EGFR: variants seen among roughly 807,000 people sequenced by gnomAD.
EGFR encodes epidermal growth factor receptor.
In EGFR, 58 loss-of-function variants were observed where a neutral mutation model predicts 143.0. That is an observed-to-expected ratio of 0.41 (90% confidence interval 0.33 to 0.50). EGFR has a LOEUF of 0.50. EGFR is among the 20% of genes least tolerant of loss of function. The pLI is 0.39. For synonymous variants in EGFR, 613 were observed against 594.4 expected (o/e 1.03, Z -0.45); for missense variants, 1,307 against 1,579.0 (o/e 0.83, Z 2.92).
At position 55,155,936 on chromosome 7, in the gene EGFR, T is replaced by C. The variant is rs2128937593; in HGVS notation, c.996T>C (p.Pro332=). 1 of 1,613,450 alleles carries C rather than the reference T, an allele frequency of 6.2e-7. No individual in the cohort carries two copies. The highest frequency in any genetic ancestry group is 1.3e-5 in the African/African-American group (1 of 75,032). ...GVRKCKKCEG[P]CRKVCNGIGI... ...GCAAGTGTAAGAAGTGCGAAGGGCC[T>C]TGCCGCAAAGGTAGGAAGCCCGCCG... Residue 332 remains proline (P), a synonymous_variant, in exon 8 of 28, where the codon CCT becomes CCC. Transcript: ENST00000275493.
intron 1 of EGFR, among the ~76,000 whole-genome samples, chr7:55,120,724 G>A (rs889827740): frequency 3.3e-5 from 5 of 152,174 alleles, no homozygotes; most frequent in Middle Eastern, 3.2e-3. Context: ...TGGGAACGTT[G>A]TTGACACATC....
chr7:55,160,991 T>C (rs17290040), intron 12 of EGFR, among the ~76,000 whole-genome samples: 268 of 152,356 alleles, frequency 1.8e-3, no homozygotes, highest in Non-Finnish European at 3.3e-3. Flanking sequence ...ACACAGCCAA[T>C]GGCCCAATGG....
At chr7:55,059,785 G>T (rs768163900) in intron 1 of EGFR, among the ~76,000 whole-genome samples, 1 of 152,206 alleles carries the variant, frequency 6.6e-6, no homozygotes, top group African/African-American at 2.4e-5. Context: ...ATACTTGCAT[G>T]AATGCAGGAA....
chr7:55,134,584 C>G (rs1794034529), intron 1 of EGFR, among the ~76,000 whole-genome samples: 1 of 152,230 alleles, frequency 6.6e-6, no homozygotes, highest in African/African-American at 2.4e-5. Flanking sequence ...GAATACATAA[C>G]AGATCAACGG....
At chr7:55,100,410 T>A (rs568714426) in intron 1 of EGFR, among the ~76,000 whole-genome samples, 4 of 152,218 alleles carry the variant, frequency 2.6e-5, no homozygotes, top group Non-Finnish European at 5.9e-5. Context: ...ATTAATTACA[T>A]CTCAAAAACA....
chr7:55,019,443 G>C, intron 1 of EGFR, 78 bp downstream of exon 1: 1 of 946,524 alleles, frequency 1.1e-6, no homozygotes, highest in Non-Finnish European at 1.3e-6. Flanking sequence ...ACCGCGCACC[G>C]GCGCACCGGC....
intron 19 of EGFR, 172 bp from the exon 20 acceptor site, chr7:55,181,121 C>A: frequency 1.3e-6 from 1 of 797,918 alleles, no homozygotes; most frequent in Non-Finnish European, 2.1e-6. Flanking sequence ...CACTTCACAG[C>A]CCTGCGTAAA....
Position 55,094,491 on chromosome 7 carries a change from T to C in EGFR, c.89-47795T>C, listed in dbSNP as rs180852553. Among the ~76,000 whole-genome samples the C allele has an allele frequency of 2.6e-5, 4 of 152,310 alleles. No homozygotes were observed. In the East Asian group the frequency reaches 5.8e-4, roughly 22 times the overall value. On this transcript the variant is annotated intron_variant, in intron 1 of 27. Transcript: ENST00000275493. ...AAGATGTAGGCAGTTGATCCACAGA[T>C]TTTTGGAGAGTCCTTGAGTTGGAGA...
intron 22 of EGFR, among the ~76,000 whole-genome samples, chr7:55,194,806 A>T (rs1207539081): frequency 2.0e-5 from 3 of 152,192 alleles, no homozygotes; most frequent in Non-Finnish European, 4.4e-5. Flanking sequence ...TTTCAACATC[A>T]TTGAGGCTGC....
intron 4 of EGFR, among the ~76,000 whole-genome samples, chr7:55,149,591 C>T (rs905269235): frequency 6.6e-6 from 1 of 152,066 alleles, no homozygotes; most frequent in African/African-American, 2.4e-5. Context: ...TTAATAAAAC[C>T]AAGCTTGGCA....
chr7:55,115,137 G>A (rs559520408), intron 1 of EGFR, among the ~76,000 whole-genome samples: 1 of 152,000 alleles, frequency 6.6e-6, no homozygotes, highest in African/African-American at 2.4e-5. Context: ...CCAATGCACT[G>A]GGATTACAGG....
At chr7:55,036,562 G>A (rs1424325548) in intron 1 of EGFR, among the ~76,000 whole-genome samples, 1 of 152,142 alleles carries the variant, frequency 6.6e-6, no homozygotes, top group Non-Finnish European at 1.5e-5. Context: ...CCATTTGGTA[G>A]AGAAGATAGA....
At chr7:55,076,874 G>C (rs1790161802) in intron 1 of EGFR, among the ~76,000 whole-genome samples, 1 of 151,950 alleles carries the variant, frequency 6.6e-6, no homozygotes, top group South Asian at 2.1e-4. Context: ...TTGTCATGTA[G>C]GCTATCAATA....
intron 1 of EGFR, among the ~76,000 whole-genome samples, chr7:55,030,503 G>A (rs1787188029): frequency 1.3e-5 from 2 of 152,292 alleles, no homozygotes; most frequent in Non-Finnish European, 2.9e-5. Flanking sequence ...GAAATGAGAA[G>A]TATGACTTTT....
chr7:55,071,418 C>T (rs751327401), intron 1 of EGFR, among the ~76,000 whole-genome samples: 2 of 152,310 alleles, frequency 1.3e-5, no homozygotes, highest in South Asian at 4.1e-4. Context: ...TTATTCGGAA[C>T]CTTCAAGAAA....
intron 1 of EGFR, among the ~76,000 whole-genome samples, chr7:55,093,339 G>C (rs1399999857): frequency 6.6e-6 from 1 of 152,146 alleles, no homozygotes; most frequent in Non-Finnish European, 1.5e-5. Flanking sequence ...AAATGGAATT[G>C]CTTTTGTGTT....
At chr7:55,182,881 G>A (rs1026486251) in intron 20 of EGFR, among the ~76,000 whole-genome samples, 14 of 152,136 alleles carry the variant, frequency 9.2e-5, no homozygotes, top group African/African-American at 1.4e-4. Flanking sequence ...TGTGTGCCTC[G>A]GATGCCAGGG....
At chr7:55,203,120 C>T (rs1053307789) in intron 27 of EGFR, 6 of 261,242 alleles carry the variant, frequency 2.3e-5, no homozygotes, top group African/African-American at 1.3e-4. Flanking sequence ...CACACATACA[C>T]ATACACACAT....
chr7:55,053,786 C>G (rs1039272309), intron 1 of EGFR, among the ~76,000 whole-genome samples: 2 of 152,148 alleles, frequency 1.3e-5, no homozygotes, highest in African/African-American at 2.4e-5. Flanking sequence ...AGGGTGTTTC[C>G]TAGGAGGACA....
Sources: allele counts gnomAD v4.1 joint callset (sites outside exome capture counted in the v4.1 genomes callset), GRCh38; gene constraint gnomAD v4.1.1; transcripts MANE v1.5; gene names NCBI Gene and HGNC (gene_info 2026-07-23, HGNC 2026-07-21).